ROBO2: variants seen among roughly 807,000 people sequenced by gnomAD.
ROBO2 encodes roundabout homolog 2.
Under a neutral mutation model 160.8 loss-of-function variants are expected in ROBO2, and 53 were observed. The ratio of observed to expected loss-of-function variants is 0.33; its 90% confidence interval spans 0.26 to 0.41. The LOEUF (loss-of-function observed/expected upper bound fraction) is 0.41. Among genes scored for constraint, ROBO2 ranks in the 10% least tolerant of loss-of-function variants. ROBO2 has a pLI of 1.00. For missense variants in ROBO2, 1,577 were observed against 1,722.4 expected (o/e 0.92, Z 1.49); for synonymous variants, 664 against 611.7 (o/e 1.09, Z -1.26).
intron 2 of ROBO2, among the ~76,000 whole-genome samples, chr3:76,727,065 A>G (rs1031374165): frequency 1.3e-5 from 2 of 152,164 alleles, no homozygotes; most frequent in African/African-American, 4.8e-5. Context: ...TCCTGAAGTA[A>G]TATCAAAATT....
intron 2 of ROBO2, among the ~76,000 whole-genome samples, chr3:76,698,147 A>G (rs148303363): frequency 4.3e-4 from 65 of 152,244 alleles, no homozygotes; most frequent in Middle Eastern, 3.4e-3. Flanking sequence ...TTCCATCTGT[A>G]CTATGTTAGC....
chr3:76,347,376 T>C (rs2074591840), intron 2 of ROBO2, among the ~76,000 whole-genome samples: 1 of 152,096 alleles, frequency 6.6e-6, no homozygotes, highest in Admixed American at 6.6e-5. Context: ...GTTTAGAAAA[T>C]TTCTGTCAAA....
At chr3:77,407,603 C>A (rs892432217) in intron 2 of ROBO2, among the ~76,000 whole-genome samples, 1 of 152,166 alleles carries the variant, frequency 6.6e-6, no homozygotes, top group Non-Finnish European at 1.5e-5. Context: ...ACTCCTGCAG[C>A]GTTTACTTTA....
chr3:77,248,920 C>G (rs1005111979), intron 2 of ROBO2, among the ~76,000 whole-genome samples: 111 of 152,082 alleles, frequency 7.3e-4, no homozygotes, highest in Non-Finnish European at 4.1e-4. Flanking sequence ...GTCTGTTACC[C>G]AGGCTGGAGT....
At chr3:77,574,850 T>G in intron 14 of ROBO2, 120 bp downstream of exon 15, 1 of 752,030 alleles carries the variant, frequency 1.3e-6, no homozygotes. Flanking sequence ...ATTGAGGAAG[T>G]GTCGTTTTCT....
chr3:76,593,332 G>A (rs2086538914), intron 2 of ROBO2, among the ~76,000 whole-genome samples: 1 of 152,146 alleles, frequency 6.6e-6, no homozygotes, highest in Admixed American at 6.5e-5. Context: ...CCTGGAGAAA[G>A]ATGTAGAAAT....
At chr3:77,252,831 A>AAAAAAAATATATAT in intron 2 of ROBO2, among the ~76,000 whole-genome samples, 1 of 12,518 alleles carries the variant, frequency 8.0e-5, no homozygotes, top group African/African-American at 1.6e-4. Flanking sequence ...AAAAAAAAAA[A>AAAAAAAATATATAT]ATATATATAT....
intron 2 of ROBO2, among the ~76,000 whole-genome samples, chr3:76,667,767 CAAAT>C (rs1158295565): frequency 6.9e-6 from 1 of 144,548 alleles, no homozygotes; most frequent in Admixed American, 7.0e-5. Context: ...TTTAATATCT[CAAAT>C]AATTTTTCTT....
intron 2 of ROBO2, among the ~76,000 whole-genome samples, chr3:76,384,153 G>C (rs2108582036): frequency 6.6e-6 from 1 of 152,314 alleles, no homozygotes; most frequent in East Asian, 1.9e-4. Context: ...CAATTGGAGT[G>C]AATGAGTTGC....
intron 5 of ROBO2, among the ~76,000 whole-genome samples, chr3:77,511,513 T>A (rs1364077795): frequency 1.3e-5 from 2 of 152,058 alleles, no homozygotes; most frequent in African/African-American, 4.8e-5. Flanking sequence ...ATTGTCCTGT[T>A]GCGGTGAACA....
chr3:77,122,112 A>G (rs2074836016), intron 2 of ROBO2, among the ~76,000 whole-genome samples: 1 of 152,180 alleles, frequency 6.6e-6, no homozygotes, highest in African/African-American at 2.4e-5. Context: ...TCTCTTTGTG[A>G]ATATAAAGTG....
intron 2 of ROBO2, among the ~76,000 whole-genome samples, chr3:76,377,257 C>T (rs1317780396): frequency 6.6e-6 from 1 of 152,012 alleles, no homozygotes; most frequent in Non-Finnish European, 1.5e-5. Context: ...AAAATGAAAT[C>T]CATAATATTG....
intron 2 of ROBO2, among the ~76,000 whole-genome samples, chr3:76,266,553 G>T (rs533889026): frequency 2.0e-5 from 3 of 152,226 alleles, no homozygotes; most frequent in Admixed American, 2.0e-4. Context: ...GAAAAAATAT[G>T]TAAGTAAATG....
intron 2 of ROBO2, among the ~76,000 whole-genome samples, chr3:77,231,622 ATTAT>A: frequency 8.3e-6 from 1 of 121,092 alleles, no homozygotes; most frequent in Non-Finnish European, 1.9e-5. Flanking sequence ...ACATTACATT[ATTAT>A]TTTTTTTCCT....
chr3:76,015,725 G>T (rs1358778216), intron 2 of ROBO2, among the ~76,000 whole-genome samples: 1 of 152,140 alleles, frequency 6.6e-6, no homozygotes, highest in Non-Finnish European at 1.5e-5. Flanking sequence ...AGAAAACCAG[G>T]TGACAAGTTA....
chr3:77,098,129 G>C, exon 2 of ROBO2: 1 of 1,614,134 alleles, frequency 6.2e-7, no homozygotes, highest in Non-Finnish European at 8.5e-7. Flanking sequence ...GCCGGCCAAC[G>C]CCCACCATTG....
chr3:76,414,102 A>G (rs1047903206), intron 2 of ROBO2, among the ~76,000 whole-genome samples: 14 of 152,044 alleles, frequency 9.2e-5, no homozygotes, highest in South Asian at 2.1e-4. Flanking sequence ...CTTATTCACT[A>G]TCTTAAGAAT....
chr3:77,580,049 C>G (rs188582283), exon 16 of ROBO2: 5 of 1,613,518 alleles, frequency 3.1e-6, no homozygotes, highest in Non-Finnish European at 3.4e-6. Context: ...TATTCAATAC[C>G]GGGTAGAGGT....
intron 2 of ROBO2, among the ~76,000 whole-genome samples, chr3:76,948,904 ATATATTTTT>A (rs1341475416): frequency 0.02 from 501 of 24,634 alleles, no homozygotes; most frequent in Middle Eastern, 0.031. Flanking sequence ...ATATATATAT[ATATATTTTT>A]TTTTTTTTTT....
Sources: allele counts gnomAD v4.1 joint callset (sites outside exome capture counted in the v4.1 genomes callset), GRCh38; gene constraint gnomAD v4.1.1; transcripts MANE v1.5; gene names NCBI Gene and HGNC (gene_info 2026-07-23, HGNC 2026-07-21).